MGME1: variants seen among roughly 807,000 people sequenced by gnomAD.
The protein encoded by MGME1 is mitochondrial genome maintenance exonuclease 1, also known as chromosome 20 open reading frame 72.
A neutral mutation model predicts 33.0 loss-of-function variants in MGME1; 22 were observed. The observed-to-expected ratio is 0.67, with a 90% CI of 0.48 to 0.95. The LOEUF is 0.95. Among genes scored for constraint, MGME1 ranks in the 40% least tolerant of loss-of-function variants. The pLI is 0.00. For missense variants in MGME1, 383 were observed against 397.8 expected (o/e 0.96, Z 0.32); for synonymous variants, 133 against 144.0 (o/e 0.92, Z 0.55).
At chr20:17,976,541 A>G (rs2035872807) in intron 3 of MGME1, among the ~76,000 whole-genome samples, 1 of 152,174 alleles carries the variant, frequency 6.6e-6, no homozygotes, top group African/African-American at 2.4e-5. Context: ...CTGTTTTTCT[A>G]AAGATAGCAC....
intron 3 of MGME1, among the ~76,000 whole-genome samples, chr20:17,987,665 C>T (rs1466963203): frequency 6.6e-6 from 1 of 152,054 alleles, no homozygotes; most frequent in African/African-American, 2.4e-5. Flanking sequence ...TGAGGTGTAA[C>T]TGTCTAGAGC....
intron 4 of MGME1, among the ~76,000 whole-genome samples, chr20:17,988,574 G>A (rs1386819059): frequency 6.6e-6 from 1 of 151,404 alleles, no homozygotes; most frequent in African/African-American, 2.4e-5. Flanking sequence ...CCCGCGAGGT[G>A]GAGGTTGTAG....
chr20:17,983,284 T>C (rs2036079030), intron 3 of MGME1, among the ~76,000 whole-genome samples: 1 of 151,848 alleles, frequency 6.6e-6, no homozygotes, highest in Non-Finnish European at 1.5e-5. Context: ...TGTGTGTGTG[T>C]GTGTGTGTGT....
intron 2 of MGME1, among the ~76,000 whole-genome samples, chr20:17,973,875 T>A (rs543495986): frequency 2.6e-5 from 4 of 152,164 alleles, no homozygotes; most frequent in Non-Finnish European, 5.9e-5. Flanking sequence ...CCTGGTGGGA[T>A]AGGGCCTCAT....
chr20:17,975,044 A>C (rs1381181182), intron 2 of MGME1, among the ~76,000 whole-genome samples: 1 of 152,184 alleles, frequency 6.6e-6, no homozygotes, highest in African/African-American at 2.4e-5. Flanking sequence ...CAGTTAACTT[A>C]TTACATTGGA....
At chr20:17,987,339 A>G (rs949532773) in intron 3 of MGME1, among the ~76,000 whole-genome samples, 1 of 152,198 alleles carries the variant, frequency 6.6e-6, no homozygotes, top group Non-Finnish European at 1.5e-5. Context: ...TAACCCCTAT[A>G]GCTATTGAGC....
At position 17,991,044 on chromosome 20, in the gene MGME1, T is replaced by C. The variant is rs2036286793; in HGVS notation, c.*935T>C. On this transcript the variant is annotated 3_prime_UTR_variant, in exon 5 of 5. Coordinates refer to ENST00000377710, the MANE Select transcript of MGME1 (RefSeq NM_052865.4). ...GCATTTAAGTTATACAGTTGCTGCC[T>C]TAAAATAGTAGCCTGCTACAATGAC... 6.6e-6 allele frequency: 1 copy of C among 152,226 alleles called. No individual in the cohort carries two copies. The highest frequency in any genetic ancestry group is 6.5e-5 in the Admixed American group (1 of 15,282). 9.4% of individuals were successfully genotyped at this position (152,226 alleles called of 1,614,324 possible).
chr20:17,980,770 C>G (rs2035994759), intron 3 of MGME1, among the ~76,000 whole-genome samples: 1 of 149,842 alleles, frequency 6.7e-6, no homozygotes, highest in Non-Finnish European at 1.5e-5. Context: ...GATCACGCCA[C>G]TGCACTCTAG....
At chr20:17,985,281 A>G (rs1291823598) in intron 3 of MGME1, among the ~76,000 whole-genome samples, 2 of 151,182 alleles carry the variant, frequency 1.3e-5, no homozygotes, top group African/African-American at 2.4e-5. Context: ...AAATTAGCCA[A>G]GCGTGGTGGT....
chr20:17,980,862 CT>C (rs1446105200), intron 3 of MGME1, among the ~76,000 whole-genome samples: 1 of 151,762 alleles, frequency 6.6e-6, no homozygotes, highest in African/African-American at 2.4e-5. Context: ...ACATTCTTTT[CT>C]CATGTAATAA....
chr20:17,990,160 C>A lies in MGME1; in HGVS notation c.*51C>A. ...TCAGCACCTTCTCACAGTTTGGGAA[C>A]ATATATTGCTGTTTACTCCAGTGTA... is the stretch of plus-strand genomic sequence containing the variant. On this transcript the variant is annotated 3_prime_UTR_variant, in exon 5 of 5. Coordinates refer to ENST00000377710, the MANE Select transcript of MGME1 (RefSeq NM_052865.4). 6.6e-7 allele frequency: 1 copy of A among 1,524,972 alleles called. No individual in the cohort carries two copies. The highest frequency in any genetic ancestry group is 1.7e-5 in the Admixed American group (1 of 59,670). 94.5% of individuals were successfully genotyped at this position (1,524,972 alleles called of 1,614,324 possible).
At chr20:17,974,063 T>G (rs7264688) in intron 2 of MGME1, among the ~76,000 whole-genome samples, 7,224 of 35,904 alleles carry the variant, frequency 0.2, 110 homozygotes, top group East Asian at 0.32. Context: ...CTTTGTGTGT[T>G]TTTTTTTTTT....
At chr20:17,989,821 AGT>A in intron 4 of MGME1, 116 bp from the exon 5 acceptor site, 1 of 878,966 alleles carries the variant, frequency 1.1e-6, no homozygotes, top group Non-Finnish European at 1.8e-6. Context: ...TTAGAAACTG[AGT>A]TAGGAGATAT....
intron 3 of MGME1, among the ~76,000 whole-genome samples, chr20:17,979,871 A>G (rs1210352394): frequency 1.7e-4 from 26 of 151,950 alleles, no homozygotes; most frequent in Admixed American, 1.6e-3. Flanking sequence ...AGCTGGAACT[A>G]CAGGGATGCA....
chr20:17,990,171 G>GCA lies in MGME1; in HGVS notation c.*62_*63insCA. On this transcript the variant is annotated 3_prime_UTR_variant, in exon 5 of 5. Coordinates refer to ENST00000377710, the MANE Select transcript of MGME1 (RefSeq NM_052865.4). ...TCACAGTTTGGGAACATATATTGCT[G>GCA]TTTACTCCAGTGTAAAAATGAGGTG... The GCA allele has an allele frequency of 7.0e-7, 1 of 1,423,696 alleles. No individual in the cohort carries two copies. The highest frequency in any genetic ancestry group is 1.2e-5 in the South Asian group (1 of 86,394). The allele number at this position is 1,423,696 out of a possible 1,614,324, so 88.2% of individuals were successfully genotyped here. A position where few individuals can be genotyped will look rare whatever the true frequency, so the allele number is the denominator to read the frequency against.
rs1217158462 is a variant in MGME1 at position 17,990,328 on chromosome 20, A to G, written c.*219A>G. On this transcript the variant is annotated 3_prime_UTR_variant, in exon 5 of 5. Coordinates refer to ENST00000377710, the MANE Select transcript of MGME1 (RefSeq NM_052865.4). ...GACTTCGGCACGCGAAATCCCAGCT[A>G]TGCTACCTCTTATTTACCTGAAAGG... 2 of 478,848 alleles carry G rather than the reference A, an allele frequency of 4.2e-6. No individual in the cohort carries two copies. The highest frequency in any genetic ancestry group is 3.4e-5 in the Admixed American group (1 of 29,426). 29.7% of individuals were successfully genotyped at this position (478,848 alleles called of 1,614,324 possible).
rs187490467 is a variant in MGME1 at position 17,977,501 on chromosome 20, G to A, written c.731+1598G>A. Among the ~76,000 whole-genome samples, 20 of 152,250 alleles carry A rather than the reference G, an allele frequency of 1.3e-4. No homozygotes were observed. In the East Asian group the frequency reaches 3.1e-3, roughly 23 times the overall value. Reference sequence around the variant, plus strand: ...AGCTACTCCATAGACAGAGCAGGGCGTTCCTGAAAGTAAGAGGAGGAACAC... The same window carrying A: ...AGCTACTCCATAGACAGAGCAGGGCATTCCTGAAAGTAAGAGGAGGAACAC... On this transcript the variant is annotated intron_variant, in intron 3 of 4. Coordinates refer to ENST00000377710, the MANE Select transcript of MGME1 (RefSeq NM_052865.4).
chr20:17,970,301 T>C lies in MGME1; in HGVS notation c.442T>C (p.Leu148=). 6.2e-7 allele frequency: 1 copy of C among 1,614,230 alleles called. No individual in the cohort carries two copies. Among genetic ancestry groups the C allele is most frequent in the Non-Finnish European group, 8.5e-7 (1 of 1,180,042 alleles). ...QQTMTKQQVF[L]LERWKQRMIL... is the part of the protein sequence containing the mutation. ...GACCATGACAAAACAACAGGTTTTCTTGTTGGAGAGGTGGAAACAGCGGAT... is the reference window on the plus strand; with the variant it reads ...GACCATGACAAAACAACAGGTTTTCCTGTTGGAGAGGTGGAAACAGCGGAT... The change falls in exon 2 of 5, where the codon TTG becomes CTG. Residue 148 remains leucine, a synonymous_variant. Coordinates refer to ENST00000377710, the MANE Select transcript of MGME1 (RefSeq NM_052865.4).
Position 17,990,417 on chromosome 20 carries a change from G to C in MGME1, c.*308G>C, listed in dbSNP as rs939114166. Reference sequence around the variant, plus strand: ...TACTCCCTTGAGGGACATTGGGGGGGGGGGGGCGTGGTCCCAGGCAGGATG... The same window carrying C: ...TACTCCCTTGAGGGACATTGGGGGGCGGGGGGCGTGGTCCCAGGCAGGATG... On this transcript the variant is annotated 3_prime_UTR_variant, in exon 5 of 5. Transcript: ENST00000377710. The C allele has an allele frequency of 5.9e-6, 2 of 340,000 alleles. No individual in the cohort carries two copies. The highest frequency in any genetic ancestry group is 1.1e-5 in the Non-Finnish European group (2 of 183,604). 21.1% of individuals were successfully genotyped at this position (340,000 alleles called of 1,614,324 possible).
Sources: allele counts gnomAD v4.1 joint callset (sites outside exome capture counted in the v4.1 genomes callset), GRCh38; gene constraint gnomAD v4.1.1; transcripts MANE v1.5; gene names NCBI Gene and HGNC (gene_info 2026-07-23, HGNC 2026-07-21).